PRIM2: variants seen among roughly 807,000 people sequenced by gnomAD.
The protein encoded by PRIM2 is DNA primase large subunit.
PRIM2 carries 39 observed loss-of-function variants against 67.3 expected under a neutral mutation model. That is an observed-to-expected ratio of 0.58 (90% CI 0.45 to 0.76). The LOEUF is 0.76. Ranked by LOEUF, PRIM2 falls within the 30% of genes least tolerant of loss-of-function variation. PRIM2 has a pLI of 0.00. For missense variants in PRIM2, 398 were observed against 598.7 expected, an observed-to-expected ratio of 0.66 and a Z score of 3.50; for synonymous variants, 143 against 198.7, an observed-to-expected ratio of 0.72 and a Z score of 2.36.
intron 7 of PRIM2, among the ~76,000 whole-genome samples, chr6:57,418,383 GTTTTTTTTTTTTTTTTTTT>G (rs34491627): frequency 8.5e-5 from 4 of 47,228 alleles, no homozygotes; most frequent in Non-Finnish European, 1.3e-4. Context: ...TATGTGTGTG[GTTTTTTTTTTTTTTTTTTT>G]TTTTTTTTTT....
the PRIM2 span, among the ~76,000 whole-genome samples, chr6:57,230,626 G>A: frequency 4.7e-4 from 72 of 152,234 alleles, 1 homozygote; most frequent in Admixed American, 1.4e-3. Context: ...GCCAGGGGTC[G>A]TAAGATACCC....
chr6:57,584,764 C>T (rs1177313123), intron 10 of PRIM2, among the ~76,000 whole-genome samples: 2 of 152,154 alleles, frequency 1.3e-5, no homozygotes, highest in Non-Finnish European at 2.9e-5. Context: ...ATAAATTTCA[C>T]CTTTCAAAAA....
intron 8 of PRIM2, among the ~76,000 whole-genome samples, chr6:57,523,446 A>G (rs1396361199): frequency 6.6e-6 from 1 of 152,228 alleles, no homozygotes; most frequent in Non-Finnish European, 1.5e-5. Flanking sequence ...GAGAAATTAT[A>G]CAGATGAAGA....
At chr6:57,229,563 C>A in the PRIM2 span, among the ~76,000 whole-genome samples, 1 of 151,992 alleles carries the variant, frequency 6.6e-6, no homozygotes, top group Non-Finnish European at 1.5e-5. Flanking sequence ...TCTTGGCTCA[C>A]TACAGCCTCT....
intron 7 of PRIM2, among the ~76,000 whole-genome samples, chr6:57,467,579 T>G (rs1188859714): frequency 2.6e-5 from 4 of 152,228 alleles, no homozygotes; most frequent in Non-Finnish European, 5.9e-5. Flanking sequence ...AGCTTTGTTC[T>G]TTTTGCTTAG....
intron 8 of PRIM2, among the ~76,000 whole-genome samples, chr6:57,526,951 G>GC (rs1774767650): frequency 6.6e-6 from 1 of 152,000 alleles, no homozygotes; most frequent in African/African-American, 2.4e-5. Context: ...CATTTATTTG[G>GC]CAGCAGTATG....
At chr6:57,365,949 C>CAAAA (rs5876544) in intron 5 of PRIM2, among the ~76,000 whole-genome samples, 81 of 62,464 alleles carry the variant, frequency 1.3e-3, no homozygotes, top group Middle Eastern at 0.017. Flanking sequence ...GACCATATCT[C>CAAAA]AAAAAAAAAA....
the PRIM2 span, among the ~76,000 whole-genome samples, chr6:57,252,119 A>G: frequency 2.6e-5 from 4 of 152,264 alleles, no homozygotes; most frequent in South Asian, 8.3e-4. Flanking sequence ...TCCTTCCTTA[A>G]TTGTATTCAA....
At chr6:57,581,023 A>G (rs1449263333) in intron 10 of PRIM2, among the ~76,000 whole-genome samples, 1 of 152,210 alleles carries the variant, frequency 6.6e-6, no homozygotes, top group Middle Eastern at 3.2e-3. Flanking sequence ...GGGTGAAACT[A>G]ATCTAGTAAA....
chr6:57,225,995 A>T, the PRIM2 span, among the ~76,000 whole-genome samples: 4 of 152,288 alleles, frequency 2.6e-5, no homozygotes, highest in African/African-American at 9.6e-5. Context: ...ATAACCTTGG[A>T]TCTTAGTATC....
At chr6:57,410,107 T>G (rs1416559646) in intron 7 of PRIM2, among the ~76,000 whole-genome samples, 1 of 151,760 alleles carries the variant, frequency 6.6e-6, no homozygotes, top group Non-Finnish European at 1.5e-5. Context: ...TCACATGAGG[T>G]CAGGAGTTTG....
At chr6:57,459,350 TAAA>T (rs1772920573) in intron 7 of PRIM2, among the ~76,000 whole-genome samples, 1 of 152,154 alleles carries the variant, frequency 6.6e-6, no homozygotes, top group South Asian at 2.1e-4. Context: ...GATTACTTGT[TAAA>T]AACCTCATAG....
At chr6:57,234,611 C>A in the PRIM2 span, among the ~76,000 whole-genome samples, 2 of 149,072 alleles carry the variant, frequency 1.3e-5, no homozygotes, top group African/African-American at 4.9e-5. Context: ...GCAACCTCCG[C>A]CTCCCAGGTT....
chr6:57,316,470 G>A (rs1180223558), upstream of PRIM2, among the ~76,000 whole-genome samples: 2 of 152,204 alleles, frequency 1.3e-5, no homozygotes, highest in African/African-American at 4.8e-5. Context: ...ATAATAAAAT[G>A]AGTTGATATG....
intron 7 of PRIM2, among the ~76,000 whole-genome samples, chr6:57,443,726 ATTG>A (rs1335726918): frequency 6.6e-6 from 1 of 151,752 alleles, no homozygotes; most frequent in Non-Finnish European, 1.5e-5. Flanking sequence ...GTCTCTGCAT[ATTG>A]TTGTTTCCTT....
At chr6:57,293,968 T>C in the PRIM2 span, among the ~76,000 whole-genome samples, 8 of 151,532 alleles carry the variant, frequency 5.3e-5, no homozygotes, top group African/African-American at 1.7e-4. Context: ...AAGTATAATT[T>C]AAAAAAAAGA....
chr6:57,268,428 T>A, the PRIM2 span, among the ~76,000 whole-genome samples: 1 of 152,054 alleles, frequency 6.6e-6, no homozygotes, highest in Admixed American at 6.6e-5. Flanking sequence ...AAATATCACA[T>A]GACATCAAAA....
intron 7 of PRIM2, among the ~76,000 whole-genome samples, chr6:57,467,717 C>T (rs1458340376): frequency 6.6e-6 from 1 of 152,112 alleles, no homozygotes; most frequent in East Asian, 1.9e-4. Flanking sequence ...TTACTTTGGG[C>T]AGCATGGCCA....
the PRIM2 span, among the ~76,000 whole-genome samples, chr6:57,237,061 T>C: frequency 5.3e-5 from 8 of 152,036 alleles, no homozygotes; most frequent in Admixed American, 5.2e-4. Flanking sequence ...TTTCTCCACA[T>C]CCTCTCCAGC....
Sources: allele counts gnomAD v4.1 joint callset (sites outside exome capture counted in the v4.1 genomes callset), GRCh38; gene constraint gnomAD v4.1.1; transcripts MANE v1.5; gene names NCBI Gene and HGNC (gene_info 2026-07-23, HGNC 2026-07-21).